The following MARCHF10 variants were observed in gnomAD, a reference collection of about 807,000 sequenced individuals.
The protein encoded by MARCHF10 is probable E3 ubiquitin-protein ligase MARCHF10.
MARCHF10 carries 64 observed loss-of-function variants against 76.2 expected under a neutral mutation model. That is an observed-to-expected ratio of 0.84 (90% CI 0.69 to 1.03). The LOEUF is 1.03. MARCHF10 is among the 50% of genes least tolerant of loss of function. The pLI is 0.00. For synonymous variants in MARCHF10, 340 were observed against 357.5 expected (o/e 0.95, Z 0.55); for missense variants, 875 against 958.0 (o/e 0.91, Z 1.14).
chr17:62,751,278 C>G (rs890331710), intron 4 of MARCHF10, among the ~76,000 whole-genome samples: 2 of 152,116 alleles, frequency 1.3e-5, no homozygotes, highest in African/African-American at 4.8e-5. Context: ...GCTTACCTGC[C>G]CGGAACCTGT....
chr17:62,734,000 T>G (rs2091149986), intron 6 of MARCHF10, among the ~76,000 whole-genome samples: 1 of 152,020 alleles, frequency 6.6e-6, no homozygotes, highest in East Asian at 1.9e-4. Context: ...CTGGCCAACA[T>G]GGTGAAACCC....
intron 3 of MARCHF10, among the ~76,000 whole-genome samples, chr17:62,765,635 G>A (rs1391639064): frequency 6.6e-6 from 1 of 152,102 alleles, no homozygotes. Flanking sequence ...TTACTATTCA[G>A]CCCACTATGG....
In MARCHF10 at chr17:62,727,043, TACAA is replaced by T. The variant is rs2090791197; in HGVS notation, c.1938-1943_1938-1940del. Among the ~76,000 whole-genome samples, 5 of 152,234 alleles carry T rather than the reference TACAA, an allele frequency of 3.3e-5. No individual in the cohort carries two copies. The South Asian group carries it at 6.2e-4, about 19-fold the overall frequency. ...CCATCAGGTTCACCGGTAGAGATTT[TACAA>T]ACAGATTCCTGGGCTCCACCCTTAG... On this transcript the variant is annotated intron_variant, in intron 6 of 10. Coordinates refer to ENST00000311269, the MANE Select transcript of MARCHF10 (RefSeq NM_152598.4).
At chr17:62,702,724 G>C (rs542469090) in intron 10 of MARCHF10, among the ~76,000 whole-genome samples, 10 of 152,284 alleles carry the variant, frequency 6.6e-5, no homozygotes, top group Non-Finnish European at 1.5e-4. Context: ...TGTTGTGGAA[G>C]AAACTGTTGC....
chr17:62,739,230 C>A, intron 5 of MARCHF10, among the ~76,000 whole-genome samples: 1 of 152,020 alleles, frequency 6.6e-6, no homozygotes, highest in East Asian at 1.9e-4. Context: ...ACCCAGGAGG[C>A]AGAGGTTGCA....
intron 8 of MARCHF10, among the ~76,000 whole-genome samples, chr17:62,714,174 C>T (rs868867063): frequency 4.6e-5 from 7 of 152,194 alleles, no homozygotes; most frequent in South Asian, 2.1e-4. Context: ...CTCTCCTGTG[C>T]GGCAGAGCAA....
intron 2 of MARCHF10, among the ~76,000 whole-genome samples, chr17:62,800,971 C>T (rs369236724): frequency 6.6e-5 from 10 of 152,096 alleles, no homozygotes; most frequent in African/African-American, 1.9e-4. Context: ...AATGGTAGGG[C>T]GACCCAGTTA....
chr17:62,785,678 C>A (rs1001234990), intron 3 of MARCHF10, among the ~76,000 whole-genome samples: 1 of 151,740 alleles, frequency 6.6e-6, no homozygotes, highest in African/African-American at 2.4e-5. Context: ...ACAAATCTAC[C>A]AGAAAAAAAC....
At chr17:62,765,756 C>T (rs1010831392) in intron 3 of MARCHF10, among the ~76,000 whole-genome samples, 2 of 152,134 alleles carry the variant, frequency 1.3e-5, no homozygotes, top group African/African-American at 4.8e-5. Context: ...AATCACTGTT[C>T]AGTTTACTTG....
At chr17:62,732,398 C>A (rs1338355804) in intron 6 of MARCHF10, among the ~76,000 whole-genome samples, 1 of 152,172 alleles carries the variant, frequency 6.6e-6, no homozygotes, top group Non-Finnish European at 1.5e-5. Context: ...AAGACCAATG[C>A]AACAGAATAG....
intron 3 of MARCHF10, among the ~76,000 whole-genome samples, chr17:62,779,330 A>G (rs2092613742): frequency 6.6e-6 from 1 of 152,216 alleles, no homozygotes; most frequent in African/African-American, 2.4e-5. Context: ...AGCAGAAATT[A>G]GAGAAAATTA....
At chr17:62,745,612 A>C (rs781600765) in intron 4 of MARCHF10, among the ~76,000 whole-genome samples, 3 of 152,222 alleles carry the variant, frequency 2.0e-5, no homozygotes, top group Non-Finnish European at 2.9e-5. Context: ...GGTTGCAAGC[A>C]TCTGGGAACC....
At chr17:62,715,675 T>G (rs1386320354) in intron 8 of MARCHF10, among the ~76,000 whole-genome samples, 3 of 152,202 alleles carry the variant, frequency 2.0e-5, no homozygotes, top group African/African-American at 7.2e-5. Context: ...CTGACAGACC[T>G]AAGATGAAAC....
intron 3 of MARCHF10, among the ~76,000 whole-genome samples, chr17:62,769,968 A>G (rs972546645): frequency 3.3e-5 from 5 of 152,090 alleles, no homozygotes; most frequent in Non-Finnish European, 1.5e-5. Flanking sequence ...GGTATATTGC[A>G]CCAGGTCATG....
chr17:62,725,573 A>C lies in MARCHF10; in HGVS notation c.1938-469T>G, dbSNP rs966806772. 2.6e-5 allele frequency among the ~76,000 whole-genome samples: 4 copies of C among 152,328 alleles called. No homozygotes were observed. The East Asian group carries it at 7.7e-4, about 29-fold the overall frequency. On this transcript the variant is annotated intron_variant, in intron 6 of 10. Transcript: ENST00000311269. Reference sequence around the variant, plus strand: ...AGCCCCTGGGCCTGGCTGAGGCACAAATTCTTGTAACAGGCTTCTTTGCAA... The same window carrying C: ...AGCCCCTGGGCCTGGCTGAGGCACACATTCTTGTAACAGGCTTCTTTGCAA...
intron 3 of MARCHF10, among the ~76,000 whole-genome samples, chr17:62,770,126 T>G (rs2092414781): frequency 6.6e-6 from 1 of 152,176 alleles, no homozygotes; most frequent in Admixed American, 6.5e-5. Context: ...GGTATTTGGG[T>G]TTTTGTTCCT....
At chr17:62,730,348 G>A (rs1468667452) in intron 6 of MARCHF10, among the ~76,000 whole-genome samples, 2 of 152,214 alleles carry the variant, frequency 1.3e-5, no homozygotes, top group Non-Finnish European at 2.9e-5. Flanking sequence ...TTTCAAATTA[G>A]TAAGGAAAGG....
At chr17:62,777,750 T>C (rs1597998441) in intron 3 of MARCHF10, among the ~76,000 whole-genome samples, 1 of 138,108 alleles carries the variant, frequency 7.2e-6, no homozygotes, top group African/African-American at 2.6e-5. Context: ...GAAAAGTAGG[T>C]ATAAATATGA....
At chr17:62,720,517 C>G (rs972694344) in intron 8 of MARCHF10, among the ~76,000 whole-genome samples, 19 of 152,296 alleles carry the variant, frequency 1.2e-4, no homozygotes, top group African/African-American at 4.6e-4. Context: ...GATAAAACCT[C>G]CAAAGGTTAG....
Sources: allele counts gnomAD v4.1 joint callset (sites outside exome capture counted in the v4.1 genomes callset), GRCh38; gene constraint gnomAD v4.1.1; transcripts MANE v1.5; gene names NCBI Gene and HGNC (gene_info 2026-07-23, HGNC 2026-07-21).